SGCZ: variants seen among roughly 807,000 people sequenced by gnomAD.
SGCZ encodes the protein sarcoglycan zeta.
Under a neutral mutation model 41.3 loss-of-function variants are expected in SGCZ, and 40 were observed. The observed-to-expected ratio is 0.97, with a 90% CI of 0.75 to 1.26. The LOEUF (loss-of-function observed/expected upper bound fraction) is 1.26, where lower values mean the gene tolerates loss of function less well. Ranked by LOEUF, SGCZ falls within the 50% of genes most tolerant of loss-of-function variation. SGCZ has a pLI of 0.00. For synonymous variants in SGCZ, 206 were observed against 137.5 expected, an observed-to-expected ratio of 1.50 and a Z score of -3.49; for missense variants, 552 against 369.8, an observed-to-expected ratio of 1.49 and a Z score of -4.04.
intron 1 of SGCZ, among the ~76,000 whole-genome samples, chr8:14,988,920 T>C (rs1009473556): frequency 6.6e-6 from 1 of 152,104 alleles, no homozygotes; most frequent in African/African-American, 2.4e-5. Context: ...AGGGGGGGCA[T>C]TGATTACGAA....
intron 1 of SGCZ, among the ~76,000 whole-genome samples, chr8:15,200,587 C>T (rs1800859724): frequency 6.6e-6 from 1 of 152,168 alleles, no homozygotes; most frequent in South Asian, 2.1e-4. Context: ...CTAGACTTTC[C>T]TGTTGTTTCT....
At chr8:14,375,544 T>G (rs960883794) in intron 2 of SGCZ, among the ~76,000 whole-genome samples, 1 of 152,162 alleles carries the variant, frequency 6.6e-6, no homozygotes, top group Non-Finnish European at 1.5e-5. Context: ...CTGATTGCAA[T>G]GTAATAATAT....
intron 1 of SGCZ, among the ~76,000 whole-genome samples, chr8:15,236,310 G>A (rs1585704306): frequency 6.6e-6 from 1 of 152,156 alleles, no homozygotes; most frequent in East Asian, 1.9e-4. Flanking sequence ...CCCTGGCCAG[G>A]GCACAGGACA....
intron 1 of SGCZ, among the ~76,000 whole-genome samples, chr8:14,846,706 A>C (rs1357804127): frequency 0.072 from 4,369 of 60,304 alleles, 252 homozygotes; most frequent in African/African-American, 0.16. Context: ...TTAAATCCAA[A>C]AAAAAAAAAA....
At chr8:15,210,821 G>A (rs1367149787) in intron 1 of SGCZ, among the ~76,000 whole-genome samples, 1 of 151,932 alleles carries the variant, frequency 6.6e-6, no homozygotes, top group Non-Finnish European at 1.5e-5. Context: ...TCTCCTATTG[G>A]CCGTTTCTTA....
At chr8:15,225,635 T>C (rs910126627) in intron 1 of SGCZ, among the ~76,000 whole-genome samples, 3 of 152,078 alleles carry the variant, frequency 2.0e-5, no homozygotes, top group African/African-American at 7.2e-5. Flanking sequence ...ACGTAAGCAA[T>C]GGGAAATGAC....
intron 1 of SGCZ, among the ~76,000 whole-genome samples, chr8:14,566,258 G>A (rs1477933494): frequency 6.6e-6 from 1 of 152,126 alleles, no homozygotes; most frequent in Non-Finnish European, 1.5e-5. Context: ...TTTTAAAAGA[G>A]AAAAAAGATA....
Position 14,886,109 on chromosome 8 carries a change from A to G in SGCZ, c.40-331183T>C, listed in dbSNP as rs116255234. On this transcript the variant is annotated intron_variant, in intron 1 of 7. Coordinates refer to ENST00000382080, the MANE Select transcript of SGCZ (RefSeq NM_139167.4). The stretch of plus-strand genomic sequence containing the variant: ...TGTTATTACAAAGTTTGACCACTTA[A>G]TATTCTATCCCATGCATGCTCATAT... 2.8e-3 allele frequency among the ~76,000 whole-genome samples: 416 copies of G among 147,846 alleles called. 3 individuals are homozygous for G. Among genetic ancestry groups the G allele is most frequent in the African/African-American group, 9.9e-3 (400 of 40,278 alleles).
intron 7 of SGCZ, among the ~76,000 whole-genome samples, chr8:14,091,708 C>T (rs575741810): frequency 1.3e-5 from 2 of 152,148 alleles, no homozygotes; most frequent in East Asian, 1.9e-4. Flanking sequence ...TGTTTAAGTT[C>T]TTTGTAGGTT....
chr8:14,242,493 A>G (rs1049240022), intron 3 of SGCZ, among the ~76,000 whole-genome samples: 21 of 152,156 alleles, frequency 1.4e-4, no homozygotes, highest in African/African-American at 5.1e-4. Flanking sequence ...TTTCTGCATC[A>G]TAGTCTCTTC....
rs150255963 is a variant in SGCZ, at chr8:15,156,979, G to C, written c.39+80606C>G. ...AAAAAAGAAAAGAAAAAGAAAGAAA[G>C]AGAAAAGAAAGCAAGCACTTCTCAA... On this transcript the variant is annotated intron_variant, in intron 1 of 7. Transcript: ENST00000382080. 4.2e-3 allele frequency among the ~76,000 whole-genome samples: 631 copies of C among 148,840 alleles called. 4 individuals are homozygous for C. The highest frequency in any genetic ancestry group is 0.015 in the African/African-American group (608 of 40,396).
chr8:14,419,108 T>C (rs1799572211), intron 2 of SGCZ, among the ~76,000 whole-genome samples: 1 of 152,004 alleles, frequency 6.6e-6, no homozygotes, highest in East Asian at 1.9e-4. Flanking sequence ...TACTTTAACA[T>C]TTGGGAAAAG....
chr8:14,291,072 A>G (rs528515045), intron 3 of SGCZ, among the ~76,000 whole-genome samples: 1 of 152,218 alleles, frequency 6.6e-6, no homozygotes, highest in East Asian at 1.9e-4. Context: ...TAAGTAAAAT[A>G]AGCCAGGCAC....
intron 1 of SGCZ, among the ~76,000 whole-genome samples, chr8:14,957,431 T>C (rs1800825982): frequency 6.6e-6 from 1 of 152,050 alleles, no homozygotes; most frequent in Non-Finnish European, 1.5e-5. Context: ...TATATTAACC[T>C]TTCCATTCGT....
chr8:15,092,039 C>A (rs1806173087), intron 1 of SGCZ, among the ~76,000 whole-genome samples: 1 of 152,146 alleles, frequency 6.6e-6, no homozygotes, highest in East Asian at 1.9e-4. Flanking sequence ...TAGGATGAGG[C>A]ACCGTGCCTG....
intron 2 of SGCZ, among the ~76,000 whole-genome samples, chr8:14,363,923 C>G (rs982268969): frequency 6.6e-6 from 1 of 152,242 alleles, no homozygotes; most frequent in Admixed American, 6.5e-5. Flanking sequence ...ACTGTTTCCT[C>G]CTTTGCCTTT....
intron 4 of SGCZ, among the ~76,000 whole-genome samples, chr8:14,198,222 A>C (rs1480203198): frequency 6.6e-6 from 1 of 152,134 alleles, no homozygotes; most frequent in African/African-American, 2.4e-5. Flanking sequence ...TAGCATCTCC[A>C]TGCTGTCTCT....
At chr8:14,567,269 C>A (rs543970311) in intron 1 of SGCZ, among the ~76,000 whole-genome samples, 66 of 152,196 alleles carry the variant, frequency 4.3e-4, no homozygotes, top group African/African-American at 1.5e-3. Flanking sequence ...CACACCAGTG[C>A]GGGATCCACT....
chr8:15,097,766 T>G (rs5029599), intron 1 of SGCZ, among the ~76,000 whole-genome samples: 108,013 of 129,100 alleles, frequency 0.84, 45,061 homozygotes, highest in Non-Finnish European at 0.86. Context: ...ATATATGTGT[T>G]TATATATATA....
Sources: allele counts gnomAD v4.1 joint callset (sites outside exome capture counted in the v4.1 genomes callset), GRCh38; gene constraint gnomAD v4.1.1; transcripts MANE v1.5; gene names NCBI Gene and HGNC (gene_info 2026-07-23, HGNC 2026-07-21).